Variants in PELI2 observed in about 807,000 individuals in gnomAD.
PELI2 encodes the protein E3 ubiquitin-protein ligase pellino homolog 2.
Under a neutral mutation model 42.3 loss-of-function variants are expected in PELI2, and 23 were observed. That is an observed-to-expected ratio of 0.54 (90% CI 0.39 to 0.77). The LOEUF (loss-of-function observed/expected upper bound fraction) is 0.77, where lower values mean the gene tolerates loss of function less well. Ranked by LOEUF, PELI2 falls within the 30% of genes least tolerant of loss-of-function variation. The pLI is 0.00. For synonymous variants in PELI2, 245 were observed against 212.2 expected, an observed-to-expected ratio of 1.15 and a Z score of -1.34; for missense variants, 463 against 553.2, an observed-to-expected ratio of 0.84 and a Z score of 1.64.
intron 2 of PELI2, among the ~76,000 whole-genome samples, chr14:56,265,606 G>A (rs974675609): frequency 6.6e-6 from 1 of 151,988 alleles, no homozygotes; most frequent in Non-Finnish European, 1.5e-5. Context: ...TTGATAAATA[G>A]ACATCAAAGT....
At chr14:56,250,241 T>C (rs1047447081) in intron 2 of PELI2, among the ~76,000 whole-genome samples, 1 of 152,178 alleles carries the variant, frequency 6.6e-6, no homozygotes, top group Non-Finnish European at 1.5e-5. Context: ...TTCTATTTGT[T>C]GATGGGGGTG....
chr14:56,224,831 T>C (rs998373903), intron 2 of PELI2, among the ~76,000 whole-genome samples: 1 of 142,714 alleles, frequency 7.0e-6, no homozygotes, highest in Non-Finnish European at 1.6e-5. Context: ...TATAGTTGAA[T>C]TAAAATGCAA....
At chr14:56,199,374 T>C (rs1369407836) in intron 2 of PELI2, among the ~76,000 whole-genome samples, 1 of 152,212 alleles carries the variant, frequency 6.6e-6, no homozygotes, top group African/African-American at 2.4e-5. Flanking sequence ...ATTTCTCGTC[T>C]TGGTATGTTA....
At chr14:56,119,224 C>T (rs1029858629) in intron 1 of PELI2, 1 of 151,982 alleles carries the variant, frequency 6.6e-6, no homozygotes. Flanking sequence ...CCCGCGCCCC[C>T]GAACTCCGAG....
chr14:56,151,214 C>G (rs1314960834), intron 1 of PELI2, among the ~76,000 whole-genome samples: 2 of 152,198 alleles, frequency 1.3e-5, no homozygotes, highest in Non-Finnish European at 2.9e-5. Flanking sequence ...GCCACGTGGC[C>G]TTTGCCTATA....
chr14:56,129,588 C>T lies in PELI2; in HGVS notation c.77+10851C>T, dbSNP rs375231918. 1.3e-3 allele frequency among the ~76,000 whole-genome samples: 193 copies of T among 152,300 alleles called. 2 individuals are homozygous for T. The highest frequency in any genetic ancestry group is 4.2e-3 in the African/African-American group (174 of 41,566). On this transcript the variant is annotated intron_variant, in intron 1 of 5. Coordinates refer to ENST00000267460, the MANE Select transcript of PELI2 (RefSeq NM_021255.3). ...CCTGAGTGCTTTGTCCCCCAAGAAA[C>T]GAGGAGAAGGACCCATAGCCCTGTG... is the stretch of plus-strand genomic sequence containing the variant.
At chr14:56,237,209 A>G (rs1197114132) in intron 2 of PELI2, among the ~76,000 whole-genome samples, 1 of 152,138 alleles carries the variant, frequency 6.6e-6, no homozygotes, top group Non-Finnish European at 1.5e-5. Flanking sequence ...TCAGTATGAG[A>G]ATTTATGTAG....
intron 1 of PELI2, among the ~76,000 whole-genome samples, chr14:56,138,883 A>G (rs952032718): frequency 6.6e-6 from 1 of 152,074 alleles, no homozygotes; most frequent in Non-Finnish European, 1.5e-5. Flanking sequence ...TGTGTTGTTG[A>G]TTTGTTTCTT....
chr14:56,287,993 G>T (rs774510198), intron 3 of PELI2, among the ~76,000 whole-genome samples: 2 of 152,118 alleles, frequency 1.3e-5, no homozygotes, highest in African/African-American at 2.4e-5. Context: ...ATTAATCCAA[G>T]AGATAAAATC....
intron 2 of PELI2, among the ~76,000 whole-genome samples, chr14:56,215,179 T>G (rs1443340212): frequency 3.3e-5 from 5 of 152,230 alleles, no homozygotes; most frequent in Non-Finnish European, 7.3e-5. Context: ...CAGCCTTATT[T>G]GAGACTCAGC....
intron 1 of PELI2, among the ~76,000 whole-genome samples, chr14:56,157,209 C>T (rs1884599778): frequency 6.6e-6 from 1 of 152,140 alleles, no homozygotes; most frequent in Non-Finnish European, 1.5e-5. Flanking sequence ...ACATCATTTA[C>T]TACAGAGAGG....
intron 2 of PELI2, among the ~76,000 whole-genome samples, chr14:56,276,497 G>A (rs1889296300): frequency 6.6e-6 from 1 of 152,132 alleles, no homozygotes; most frequent in Non-Finnish European, 1.5e-5. Flanking sequence ...GTAGGGTCAG[G>A]ACTCTTCTCC....
chr14:56,250,203 C>T (rs1888297619), intron 2 of PELI2, among the ~76,000 whole-genome samples: 1 of 152,174 alleles, frequency 6.6e-6, no homozygotes, highest in Admixed American at 6.5e-5. Context: ...ACGGTTCCTA[C>T]TGAGAGCTTG....
intron 2 of PELI2, among the ~76,000 whole-genome samples, chr14:56,226,236 G>A (rs1467975631): frequency 6.6e-6 from 1 of 152,156 alleles, no homozygotes; most frequent in African/African-American, 2.4e-5. Context: ...TCGCTCCCAG[G>A]TTCTTGCACA....
At chr14:56,159,119 C>T (rs190553315) in intron 1 of PELI2, among the ~76,000 whole-genome samples, 1 of 152,334 alleles carries the variant, frequency 6.6e-6, no homozygotes, top group East Asian at 1.9e-4. Context: ...GCATGTGAAA[C>T]ACAGAGTATC....
At chr14:56,241,963 A>G (rs900116493) in intron 2 of PELI2, among the ~76,000 whole-genome samples, 6 of 152,216 alleles carry the variant, frequency 3.9e-5, no homozygotes, top group Non-Finnish European at 5.9e-5. Flanking sequence ...CAAGTGATGA[A>G]GGAAACGAGA....
chr14:56,233,764 TTAAAC>T (rs375657020), intron 2 of PELI2, among the ~76,000 whole-genome samples: 131 of 152,272 alleles, frequency 8.6e-4, no homozygotes, highest in African/African-American at 3.0e-3. Context: ...TGGGATCTAA[TTAAAC>T]TAAAGAGCTT....
intron 2 of PELI2, among the ~76,000 whole-genome samples, chr14:56,269,851 G>A (rs1165316277): frequency 6.6e-6 from 1 of 152,218 alleles, no homozygotes; most frequent in Middle Eastern, 3.2e-3. Context: ...TGTCCACAAA[G>A]CATGTGAATG....
At chr14:56,258,382 G>C (rs1443593768) in intron 2 of PELI2, among the ~76,000 whole-genome samples, 3 of 151,270 alleles carry the variant, frequency 2.0e-5, no homozygotes, top group African/African-American at 7.3e-5. Flanking sequence ...CCTATACCCA[G>C]GAGGAAAATA....
Sources: allele counts gnomAD v4.1 joint callset (sites outside exome capture counted in the v4.1 genomes callset), GRCh38; gene constraint gnomAD v4.1.1; transcripts MANE v1.5; gene names NCBI Gene and HGNC (gene_info 2026-07-23, HGNC 2026-07-21).